The following STXBP5L variants were observed in gnomAD, a reference collection of about 807,000 sequenced individuals.
STXBP5L encodes the protein syntaxin binding protein 5L.
In STXBP5L, 65 loss-of-function variants were observed where a neutral mutation model predicts 144.5. The ratio of observed to expected loss-of-function variants is 0.45; its 90% CI spans 0.37 to 0.55. The LOEUF (loss-of-function observed/expected upper bound fraction) is 0.55, where lower values mean the gene tolerates loss of function less well. Among genes scored for constraint, STXBP5L ranks in the 20% least tolerant of loss-of-function variants. The pLI is 0.00. For synonymous variants in STXBP5L, 505 were observed against 469.6 expected (o/e 1.08, Z -0.97); for missense variants, 1,298 against 1,405.5 (o/e 0.92, Z 1.22).
intron 9 of STXBP5L, among the ~76,000 whole-genome samples, chr3:121,203,794 G>A (rs1395592325): frequency 2.0e-5 from 3 of 152,148 alleles, no homozygotes; most frequent in Non-Finnish European, 4.4e-5. Context: ...TCAATTAATG[G>A]TTTGACAATT....
chr3:121,171,077 T>A (rs2046694463), intron 9 of STXBP5L, among the ~76,000 whole-genome samples: 1 of 151,962 alleles, frequency 6.6e-6, no homozygotes, highest in Non-Finnish European at 1.5e-5. Flanking sequence ...ATAAACAGAA[T>A]CAATGAGAAC....
In STXBP5L at chr3:121,068,994, A is replaced by T. The variant is rs531001712; in HGVS notation, c.470+23459A>T. ...TTCACCCCATATGTTAATGTCGTAC[A>T]TGCACTCGTGTGTGTGTGTGTATAC... On this transcript the variant is annotated intron_variant, in intron 5 of 26. Transcript: ENST00000471454. 1.9e-3 allele frequency among the ~76,000 whole-genome samples: 290 copies of T among 152,268 alleles called. 1 individual carries two copies. Among genetic ancestry groups the T allele is most frequent in the Non-Finnish European group, 3.4e-3 (230 of 68,012 alleles).
intron 16 of STXBP5L, among the ~76,000 whole-genome samples, chr3:121,255,914 G>A (rs1250206939): frequency 2.0e-5 from 3 of 152,004 alleles, no homozygotes; most frequent in Admixed American, 1.3e-4. Context: ...CTATAGGCCT[G>A]GGTATAAGTG....
intron 2 of STXBP5L, among the ~76,000 whole-genome samples, chr3:120,948,959 T>C (rs1466026682): frequency 3.9e-5 from 6 of 151,988 alleles, no homozygotes; most frequent in African/African-American, 1.4e-4. Flanking sequence ...GTAGTTCTAC[T>C]TTTAGCTCTT....
At chr3:121,409,771 C>G (rs1004880063) in intron 23 of STXBP5L, among the ~76,000 whole-genome samples, 3 of 151,902 alleles carry the variant, frequency 2.0e-5, no homozygotes, top group Admixed American at 6.6e-5. Flanking sequence ...TTTTGCACTA[C>G]AGGGCAGAGT....
In STXBP5L at chr3:120,937,330, A is replaced by T. The variant is rs569287241; in HGVS notation, c.190-17610A>T. 4.6e-5 allele frequency among the ~76,000 whole-genome samples: 7 copies of T among 152,344 alleles called. No individual in the cohort carries two copies. In the South Asian group the frequency reaches 1.0e-3, roughly 23 times the overall value. ...CTGATCTTCACTGTAATAACCTCAC[A>T]AAAGTGAGTTGCAGGTAAAACTCAC... On this transcript the variant is annotated intron_variant, in intron 2 of 26. Transcript: ENST00000471454.
chr3:121,015,764 A>T (rs923666440), intron 3 of STXBP5L, among the ~76,000 whole-genome samples: 3 of 152,208 alleles, frequency 2.0e-5, no homozygotes, highest in Non-Finnish European at 4.4e-5. Flanking sequence ...CTAGAGCCTT[A>T]TCCAAGGTAG....
In STXBP5L at chr3:121,364,098, G is replaced by C. The variant is rs1453375033; in HGVS notation, c.2177-14618G>C. ...TTTGTGCCTTTGATATCATATTTTA[G>C]AAATTGTTACCAAATGTAATGTCAT... On this transcript the variant is annotated intron_variant, in intron 20 of 26. Transcript: ENST00000471454. Among the ~76,000 whole-genome samples, 5 of 152,146 alleles carry C rather than the reference G, an allele frequency of 3.3e-5. No individual in the cohort carries two copies. In the East Asian group the frequency reaches 9.6e-4, roughly 29 times the overall value.
intron 9 of STXBP5L, among the ~76,000 whole-genome samples, chr3:121,197,093 T>C (rs2047950130): frequency 6.6e-6 from 1 of 152,230 alleles, no homozygotes; most frequent in South Asian, 2.1e-4. Context: ...TAGTATGTTA[T>C]ATCTTCGTTT....
intron 10 of STXBP5L, among the ~76,000 whole-genome samples, chr3:121,208,590 A>G (rs151021004): frequency 1.3e-5 from 2 of 152,208 alleles, no homozygotes; most frequent in African/African-American, 4.8e-5. Flanking sequence ...GAAATATATG[A>G]CATATATTTT....
chr3:121,388,721 C>A (rs1325671984), intron 22 of STXBP5L, among the ~76,000 whole-genome samples: 1 of 152,146 alleles, frequency 6.6e-6, no homozygotes. Flanking sequence ...TTGAACCAGC[C>A]TTGCATCCCA....
chr3:120,913,083 T>A (rs1708929218), intron 2 of STXBP5L, among the ~76,000 whole-genome samples: 1 of 152,002 alleles, frequency 6.6e-6, no homozygotes. Context: ...TTTTCTTTTT[T>A]AAAAACCTAT....
At chr3:120,992,485 A>T (rs1942999575) in intron 3 of STXBP5L, among the ~76,000 whole-genome samples, 1 of 152,034 alleles carries the variant, frequency 6.6e-6, no homozygotes, top group Non-Finnish European at 1.5e-5. Context: ...TTAAACTACC[A>T]TTCTACACTC....
At chr3:121,003,140 C>CGA (rs1261092821) in intron 3 of STXBP5L, among the ~76,000 whole-genome samples, 1 of 152,164 alleles carries the variant, frequency 6.6e-6, no homozygotes, top group Non-Finnish European at 1.5e-5. Context: ...CACTGACTTC[C>CGA]ACAATGGTTG....
intron 9 of STXBP5L, among the ~76,000 whole-genome samples, chr3:121,173,368 C>T (rs928438664): frequency 2.8e-5 from 4 of 141,990 alleles, no homozygotes; most frequent in Non-Finnish European, 4.7e-5. Context: ...TAGAATAGTG[C>T]TCTCACTTCA....
At chr3:121,011,719 C>T (rs1204719724) in intron 3 of STXBP5L, among the ~76,000 whole-genome samples, 4 of 151,026 alleles carry the variant, frequency 2.6e-5, no homozygotes, top group Non-Finnish European at 4.4e-5. Context: ...TTTTTCAGCC[C>T]CTTTCCCATC....
At chr3:121,149,079 A>T (rs1201248960) in intron 7 of STXBP5L, among the ~76,000 whole-genome samples, 1 of 152,042 alleles carries the variant, frequency 6.6e-6, no homozygotes, top group Non-Finnish European at 1.5e-5. Flanking sequence ...TTAACTAGGT[A>T]AGAGTACGAA....
At chr3:121,307,163 C>A (rs550876794) in intron 19 of STXBP5L, among the ~76,000 whole-genome samples, 1 of 152,028 alleles carries the variant, frequency 6.6e-6, no homozygotes, top group Non-Finnish European at 1.5e-5. Context: ...AATAAGCAAA[C>A]AGCAAAAACT....
chr3:121,282,377 C>T, intron 19 of STXBP5L: 2 of 1,577,754 alleles, frequency 1.3e-6, no homozygotes, highest in East Asian at 4.5e-5. Context: ...CTTTTTAAGA[C>T]ATAATGCTTG....
Sources: gnomAD v4.1 joint callset for allele counts (sites outside exome capture counted in the v4.1 genomes callset) on GRCh38, gnomAD v4.1.1 for gene constraint, MANE v1.5 for transcripts, NCBI Gene and HGNC (gene_info 2026-07-23, HGNC 2026-07-21) for gene names.